METTL14: variants seen among roughly 807,000 people sequenced by gnomAD.
The protein encoded by METTL14 is N(6)-adenosine-methyltransferase non-catalytic subunit METTL14.
A neutral mutation model predicts 62.4 loss-of-function variants in METTL14; 32 were observed. The observed-to-expected ratio is 0.51, with a 90% CI of 0.39 to 0.69. METTL14 has a LOEUF of 0.69. METTL14 is among the 30% of genes least tolerant of loss of function. METTL14 has a pLI of 0.00. For synonymous variants in METTL14, 150 were observed against 180.0 expected (o/e 0.83, Z 1.34); for missense variants, 340 against 551.9 (o/e 0.62, Z 3.85).
At position 118,715,127 on chromosome 4, in the gene METTL14, G is replaced by A. The variant is rs1480090749; in HGVS notation, c.*4825G>A. The A allele has an allele frequency of 6.6e-6, 1 of 152,210 alleles. No individual in the cohort carries two copies. The highest frequency in any genetic ancestry group is 2.4e-5 in the African/African-American group (1 of 41,442). 9.4% of individuals were successfully genotyped at this position (152,210 alleles called of 1,614,324 possible). ...CTATCCAATGGGGGAAAATGTGGAG[G>A]TCTAGGCTTGTGTTGTCACAAAATA... On this transcript the variant is annotated 3_prime_UTR_variant, in exon 11 of 11. Coordinates refer to ENST00000388822, the MANE Select transcript of METTL14 (RefSeq NM_020961.4).
intron 6 of METTL14, among the ~76,000 whole-genome samples, chr4:118,696,946 C>T (rs1030885135): frequency 2.6e-5 from 4 of 151,908 alleles, no homozygotes; most frequent in African/African-American, 7.3e-5. Context: ...AGTTTAATTA[C>T]GTTCATGTCT....
chr4:118,703,867 T>G, intron 8 of METTL14, 68 bp from the exon 9 acceptor site: 2 of 872,474 alleles, frequency 2.3e-6, no homozygotes, highest in Non-Finnish European at 3.5e-6. Flanking sequence ...TTAATGCTGG[T>G]TGTTATTGTT....
intron 10 of METTL14, 136 bp downstream of exon 10, chr4:118,705,957 C>A: frequency 1.4e-6 from 1 of 716,280 alleles, no homozygotes. Context: ...TGAACAGTTT[C>A]AGGTCCACAG....
chr4:118,687,419 T>A (rs1156309625), intron 1 of METTL14, among the ~76,000 whole-genome samples: 3 of 152,208 alleles, frequency 2.0e-5, no homozygotes, highest in African/African-American at 4.8e-5. Context: ...GGAAATTGGC[T>A]AAAGTGTCTT....
chr4:118,689,602 C>A, intron 3 of METTL14, 145 bp downstream of exon 3: 4 of 455,636 alleles, frequency 8.8e-6, no homozygotes, highest in Non-Finnish European at 8.0e-6. Flanking sequence ...TCACCAGTTA[C>A]ATTAAGACCA....
rs1383516214 is a variant in METTL14 at position 118,711,724 on chromosome 4, T to G, written c.*1422T>G. ...ATCTAGTACAAGACCCCTTTTTTTTTGCTGAAATTATGGTATATTTTCAAC... is the reference window on the plus strand; with the variant it reads ...ATCTAGTACAAGACCCCTTTTTTTTGGCTGAAATTATGGTATATTTTCAAC... On this transcript the variant is annotated 3_prime_UTR_variant, in exon 11 of 11. Transcript: ENST00000388822. The G allele has an allele frequency of 5.9e-5, 9 of 152,166 alleles. No individual in the cohort carries two copies. Among genetic ancestry groups the G allele is most frequent in the Non-Finnish European group, 8.8e-5 (6 of 68,028 alleles). The allele number at this position is 152,166 out of a possible 1,614,324, so 9.4% of individuals were successfully genotyped here.
chr4:118,701,695 A>G (rs1256783166), intron 8 of METTL14, among the ~76,000 whole-genome samples: 3 of 152,250 alleles, frequency 2.0e-5, no homozygotes, highest in Non-Finnish European at 4.4e-5. Context: ...TTTTTATGAC[A>G]TATTATTTAT....
intron 10 of METTL14, among the ~76,000 whole-genome samples, chr4:118,708,525 A>G (rs536217545): frequency 3.5e-4 from 54 of 152,358 alleles, no homozygotes; most frequent in Non-Finnish European, 7.2e-4. Flanking sequence ...CATAAAAGAC[A>G]CAGTATAATT....
rs1390164208 is a variant in METTL14 at position 118,711,824 on chromosome 4, A to G, written c.*1522A>G. 3.9e-5 allele frequency: 6 copies of G among 152,206 alleles called. No individual in the cohort carries two copies. The highest frequency in any genetic ancestry group is 1.4e-4 in the African/African-American group (6 of 41,432). The allele number at this position is 152,206 out of a possible 1,614,324, so 9.4% of individuals were successfully genotyped here. A position where few individuals can be genotyped will look rare whatever the true frequency, so the allele number is the denominator to read the frequency against. On this transcript the variant is annotated 3_prime_UTR_variant, in exon 11 of 11. Transcript: ENST00000388822. ...ACCTGGGAATGAAGTCAGGATAGAG[A>G]AATTCCACTTGCCTGTGATGGGTCC...
intron 10 of METTL14, among the ~76,000 whole-genome samples, chr4:118,707,359 C>G (rs1489485632): frequency 1.3e-5 from 2 of 152,084 alleles, no homozygotes; most frequent in East Asian, 3.9e-4. Context: ...AATTGAGAGT[C>G]TGTTCAAGAG....
In METTL14 at chr4:118,685,459, A is replaced by C; in HGVS notation, c.-76A>C. On this transcript the variant is annotated 5_prime_UTR_variant, in exon 1 of 11. Coordinates refer to ENST00000388822, the MANE Select transcript of METTL14 (RefSeq NM_020961.4). ...GCTCCCGGTGAATTTTGTTCCACAGACTCGGAAGAAAGGTTGGATAAGAGT... is the reference window on the plus strand; with the variant it reads ...GCTCCCGGTGAATTTTGTTCCACAGCCTCGGAAGAAAGGTTGGATAAGAGT... 5 of 1,417,256 alleles carry C rather than the reference A, an allele frequency of 3.5e-6. No homozygotes were observed. Among genetic ancestry groups the C allele is most frequent in the Non-Finnish European group, 5.0e-6 (5 of 1,000,714 alleles). 87.8% of individuals were successfully genotyped at this position (1,417,256 alleles called of 1,614,324 possible).
chr4:118,686,613 C>T (rs1724069379), intron 1 of METTL14: 1 of 456,226 alleles, frequency 2.2e-6, no homozygotes, highest in South Asian at 1.5e-5. Context: ...GTTCCTTATC[C>T]CGCTGGCATT....
chr4:118,699,996 A>G (rs568911068), intron 7 of METTL14, among the ~76,000 whole-genome samples: 19 of 152,088 alleles, frequency 1.2e-4, no homozygotes, highest in Admixed American at 9.2e-4. Flanking sequence ...TAAAGTACCA[A>G]CACTTAACTT....
At position 118,714,632 on chromosome 4, in the gene METTL14, G is replaced by T. The variant is rs1725005144; in HGVS notation, c.*4330G>T. The T allele has an allele frequency of 6.6e-6, 1 of 152,100 alleles. No individual in the cohort carries two copies. The highest frequency in any genetic ancestry group is 2.1e-4 in the South Asian group (1 of 4,824). 9.4% of individuals were successfully genotyped at this position (152,100 alleles called of 1,614,324 possible). On this transcript the variant is annotated 3_prime_UTR_variant, in exon 11 of 11. Coordinates refer to ENST00000388822, the MANE Select transcript of METTL14 (RefSeq NM_020961.4). Reference sequence around the variant, plus strand: ...TTGAGACAGAGTCTCTGTTACCCAGGCTGGGGGGCAGTGATAAGATCTTGG... The same window carrying T: ...TTGAGACAGAGTCTCTGTTACCCAGTCTGGGGGGCAGTGATAAGATCTTGG...
intron 2 of METTL14, among the ~76,000 whole-genome samples, chr4:118,689,005 C>T (rs906522337): frequency 1.3e-5 from 2 of 152,128 alleles, no homozygotes; most frequent in African/African-American, 4.8e-5. Context: ...ATACTTTATC[C>T]TAAAAGTGGT....
At chr4:118,697,031 T>C (rs779624404) in intron 6 of METTL14, 151 bp from the exon 7 acceptor site, 11 of 552,826 alleles carry the variant, frequency 2.0e-5, no homozygotes, top group Non-Finnish European at 3.3e-5. Context: ...CTTTAGTAAT[T>C]AGGTTACTGA....
rs368669 is a variant in METTL14, at chr4:118,713,120, A to G, written c.*2818A>G. On this transcript the variant is annotated 3_prime_UTR_variant, in exon 11 of 11. Transcript: ENST00000388822. ...AAGCAGGAGTGTGGCATGGCAACCA[A>G]CTCACAGATCCAGAGTTGAGAGGGA... 99,689 of 151,918 alleles carry G rather than the reference A, an allele frequency of 0.66. 33,644 individuals carry two copies. Among genetic ancestry groups the G allele is most frequent in the Non-Finnish European group, 0.73 (49,384 of 67,966 alleles). The allele number at this position is 151,918 out of a possible 1,614,324, so 9.4% of individuals were successfully genotyped here.
intron 7 of METTL14, 83 bp from the exon 8 acceptor site, chr4:118,700,467 T>A: frequency 9.2e-7 from 1 of 1,090,530 alleles, no homozygotes; most frequent in Non-Finnish European, 1.4e-6. Flanking sequence ...TCTATCCTAA[T>A]AAATCTTAAT....
At chr4:118,689,260 A>C (rs762781147) in intron 2 of METTL14, 110 bp from the exon 3 acceptor site, 33 of 530,424 alleles carry the variant, frequency 6.2e-5, no homozygotes, top group Non-Finnish European at 9.2e-5. Context: ...ATATTCTTTA[A>C]TCAGGAAAAA....
Sources: allele counts gnomAD v4.1 joint callset (sites outside exome capture counted in the v4.1 genomes callset), GRCh38; gene constraint gnomAD v4.1.1; transcripts MANE v1.5; gene names NCBI Gene and HGNC (gene_info 2026-07-23, HGNC 2026-07-21).